Variants in ZNF618 observed in about 807,000 individuals in gnomAD.
ZNF618 encodes the protein zinc finger protein 618.
A neutral mutation model predicts 103.0 loss-of-function variants in ZNF618; 34 were observed. The observed-to-expected ratio is 0.33, with a 90% CI of 0.25 to 0.44. The LOEUF is 0.44. Ranked by LOEUF, ZNF618 falls within the 20% of genes least tolerant of loss-of-function variation. The pLI, the probability that ZNF618 is intolerant of heterozygous loss-of-function variation, is 1.00. For synonymous variants in ZNF618, 551 were observed against 542.2 expected (o/e 1.02, Z -0.23); for missense variants, 1,059 against 1,295.4 (o/e 0.82, Z 2.80).
chr9:113,964,750 CTT>C (rs765191153), intron 1 of ZNF618, among the ~76,000 whole-genome samples: 6 of 98,466 alleles, frequency 6.1e-5, no homozygotes, highest in African/African-American at 1.6e-4. Context: ...CTCCTTTCTG[CTT>C]TTTTTTTTTT....
chr9:114,009,060 T>G (rs1033925251), intron 9 of ZNF618, among the ~76,000 whole-genome samples: 13 of 152,194 alleles, frequency 8.5e-5, no homozygotes, highest in Non-Finnish European at 1.6e-4. Context: ...AGGACACCCC[T>G]TGAGGGCAGG....
At position 114,049,219 on chromosome 9, in the gene ZNF618, C is replaced by T. The variant is rs1845923410; in HGVS notation, c.1917C>T (p.Ala639=). The change falls in exon 15 of 15, where the codon GCC becomes GCT. Residue 639 remains alanine (A), a synonymous_variant. Coordinates refer to ENST00000374126, the MANE Select transcript of ZNF618 (RefSeq NM_001318042.2). The part of the protein sequence containing the change: ...AGMCLRCSAC[A]LNSVVQSVLS... ...TGTGCCTTCGCTGCTCAGCCTGTGC[C>T]TTGAACTCGGTGGTGCAGAGCGTGC... 2 of 1,613,448 alleles carry T rather than the reference C, an allele frequency of 1.2e-6. No individual in the cohort carries two copies. The highest frequency in any genetic ancestry group is 1.3e-5 in the African/African-American group (1 of 74,960).
intron 12 of ZNF618, among the ~76,000 whole-genome samples, chr9:114,033,122 C>CT: frequency 6.6e-6 from 1 of 152,248 alleles, no homozygotes. Context: ...TGAGAGAGCT[C>CT]TAAGAGGCCG....
At chr9:113,964,998 GAA>G (rs372943322) in intron 1 of ZNF618, among the ~76,000 whole-genome samples, 9 of 108,252 alleles carry the variant, frequency 8.3e-5, no homozygotes, top group African/African-American at 2.7e-4. Context: ...GCTTCATTCT[GAA>G]AAAAAAAAAA....
chr9:114,022,246 G>A (rs546588219), intron 10 of ZNF618, among the ~76,000 whole-genome samples: 91 of 151,944 alleles, frequency 6.0e-4, no homozygotes, highest in African/African-American at 2.1e-3. Context: ...TAATGTTCTC[G>A]TCTCGTTGGG....
At chr9:113,910,837 CT>C (rs57763654) in intron 1 of ZNF618, among the ~76,000 whole-genome samples, 63 of 146,404 alleles carry the variant, frequency 4.3e-4, no homozygotes, top group Admixed American at 4.8e-4. Flanking sequence ...TTCTTTTTTT[CT>C]TTTTTTTTTT....
intron 1 of ZNF618, among the ~76,000 whole-genome samples, chr9:113,930,417 T>C (rs1320657497): frequency 6.6e-6 from 1 of 152,234 alleles, no homozygotes; most frequent in Admixed American, 6.5e-5. Flanking sequence ...GCATTGAGCT[T>C]CATGATGGGA....
chr9:113,882,059 A>G (rs1828576623), intron 1 of ZNF618, among the ~76,000 whole-genome samples: 1 of 152,206 alleles, frequency 6.6e-6, no homozygotes, highest in Non-Finnish European at 1.5e-5. Context: ...GGTGGCCAGG[A>G]CCAGGGCTGG....
chr9:113,907,044 C>T (rs1831050536), intron 1 of ZNF618, among the ~76,000 whole-genome samples: 1 of 152,228 alleles, frequency 6.6e-6, no homozygotes, highest in South Asian at 2.1e-4. Flanking sequence ...GGAAAGAGAG[C>T]ATCTCTTTTC....
intron 13 of ZNF618, 97 bp from the exon 14 acceptor site, chr9:114,047,796 A>G: frequency 9.7e-7 from 1 of 1,034,256 alleles, no homozygotes; most frequent in Non-Finnish European, 1.4e-6. Flanking sequence ...CCCAATGGCC[A>G]CATTCTGCTG....
At chr9:114,014,090 A>C (rs1333693314) in intron 9 of ZNF618, among the ~76,000 whole-genome samples, 1 of 152,262 alleles carries the variant, frequency 6.6e-6, no homozygotes, top group Non-Finnish European at 1.5e-5. Context: ...GAAAATTGGA[A>C]AATAATGGAA....
chr9:113,976,093 C>G (rs1336187012), intron 2 of ZNF618, among the ~76,000 whole-genome samples: 1 of 152,136 alleles, frequency 6.6e-6, no homozygotes, highest in Admixed American at 6.5e-5. Flanking sequence ...CTTGAAAATT[C>G]ATATACAGTC....
At chr9:113,975,784 A>G (rs1838412820) in intron 2 of ZNF618, among the ~76,000 whole-genome samples, 1 of 152,238 alleles carries the variant, frequency 6.6e-6, no homozygotes, top group South Asian at 2.1e-4. Flanking sequence ...GTATGGTATT[A>G]GCAGAGTGAA....
chr9:113,931,759 G>C (rs768458818), intron 1 of ZNF618, among the ~76,000 whole-genome samples: 5 of 152,186 alleles, frequency 3.3e-5, no homozygotes, highest in Non-Finnish European at 7.4e-5. Flanking sequence ...AGTATTGATA[G>C]GTTGAAATAA....
intron 1 of ZNF618, among the ~76,000 whole-genome samples, chr9:113,882,484 T>G (rs114386972): frequency 8.2e-4 from 125 of 152,276 alleles, no homozygotes; most frequent in African/African-American, 2.9e-3. Context: ...GGCCAGGGAT[T>G]CTCCATTTGG....
intron 13 of ZNF618, among the ~76,000 whole-genome samples, chr9:114,040,151 A>G (rs1845015148): frequency 6.6e-6 from 1 of 152,222 alleles, no homozygotes; most frequent in Non-Finnish European, 1.5e-5. Flanking sequence ...ATGGAAGGGC[A>G]GAGAATAAGA....
At chr9:113,958,634 G>A (rs770950686) in intron 1 of ZNF618, among the ~76,000 whole-genome samples, 2 of 152,294 alleles carry the variant, frequency 1.3e-5, no homozygotes, top group Middle Eastern at 3.4e-3. Flanking sequence ...TGCATCCAGC[G>A]TCCCATTCAC....
intron 1 of ZNF618, among the ~76,000 whole-genome samples, chr9:113,933,798 A>G (rs560242290): frequency 4.4e-4 from 67 of 152,220 alleles, no homozygotes; most frequent in African/African-American, 1.5e-3. Context: ...CAAAGGGGCA[A>G]TCATTGTGAT....
intron 11 of ZNF618, 61 bp from the exon 12 acceptor site, chr9:114,032,584 C>G: frequency 4.6e-6 from 7 of 1,533,836 alleles, no homozygotes; most frequent in Non-Finnish European, 6.3e-6. Flanking sequence ...CTACCCCTCC[C>G]TTGAGACCTA....
Sources: allele counts gnomAD v4.1 joint callset (sites outside exome capture counted in the v4.1 genomes callset), GRCh38; gene constraint gnomAD v4.1.1; transcripts MANE v1.5; gene names NCBI Gene and HGNC (gene_info 2026-07-23, HGNC 2026-07-21).